LHFPL3: variants seen among roughly 807,000 people sequenced by gnomAD.
LHFPL3 encodes LHFPL tetraspan subfamily member 3.
A neutral mutation model predicts 19.3 loss-of-function variants in LHFPL3; 5 were observed. That is an observed-to-expected ratio of 0.26 (90% CI 0.14 to 0.54). LHFPL3 has a LOEUF of 0.54. LHFPL3 is among the 20% of genes least tolerant of loss of function. LHFPL3 has a pLI of 0.94. For missense variants in LHFPL3, 249 were observed against 307.4 expected (o/e 0.81, Z 1.42); for synonymous variants, 133 against 126.2 (o/e 1.05, Z -0.36).
chr7:104,503,329 TG>T (rs1170046016), intron 1 of LHFPL3, among the ~76,000 whole-genome samples: 1 of 152,156 alleles, frequency 6.6e-6, no homozygotes, highest in Non-Finnish European at 1.5e-5. Flanking sequence ...TGTATGTGTC[TG>T]TAAAAAATGA....
In LHFPL3 at chr7:104,727,639, G is replaced by A. The variant is rs542890815; in HGVS notation, c.446-9036G>A. ...AATATTGCAAATCGGAAGAATTTCAGATGGCTTGCTCTGTGGAGGATATTG... is the reference window on the plus strand; with the variant it reads ...AATATTGCAAATCGGAAGAATTTCAAATGGCTTGCTCTGTGGAGGATATTG... On this transcript the variant is annotated intron_variant, in intron 1 of 2. Transcript: ENST00000424859. 5.3e-5 allele frequency among the ~76,000 whole-genome samples: 8 copies of A among 152,260 alleles called. No individual in the cohort carries two copies. The East Asian group carries it at 1.5e-3, about 29-fold the overall frequency.
chr7:104,747,761 A>G (rs1794077164), intron 2 of LHFPL3, among the ~76,000 whole-genome samples: 1 of 152,190 alleles, frequency 6.6e-6, no homozygotes, highest in African/African-American at 2.4e-5. Context: ...CCTTATCATT[A>G]TTATTATGCA....
At chr7:104,612,414 G>A (rs944751402) in intron 1 of LHFPL3, among the ~76,000 whole-genome samples, 4 of 152,112 alleles carry the variant, frequency 2.6e-5, no homozygotes, top group Non-Finnish European at 4.4e-5. Context: ...GGGATGGATG[G>A]ATGGACATCC....
At chr7:104,723,636 C>A (rs947879664) in intron 1 of LHFPL3, among the ~76,000 whole-genome samples, 1 of 142,398 alleles carries the variant, frequency 7.0e-6, no homozygotes. Context: ...ACAGGAGAAT[C>A]GCTTGAACCC....
At chr7:104,471,474 T>C (rs1584343301) in intron 1 of LHFPL3, among the ~76,000 whole-genome samples, 1 of 152,208 alleles carries the variant, frequency 6.6e-6, no homozygotes, top group East Asian at 1.9e-4. Context: ...GTAGATATTA[T>C]TACTCTCATG....
intron 2 of LHFPL3, among the ~76,000 whole-genome samples, chr7:104,760,854 C>T (rs76854052): frequency 6.0e-4 from 91 of 152,092 alleles, no homozygotes; most frequent in African/African-American, 2.1e-3. Flanking sequence ...AAGGTAGGGG[C>T]CTTTCCATTC....
intron 2 of LHFPL3, among the ~76,000 whole-genome samples, chr7:104,817,440 T>C (rs1305848771): frequency 1.3e-5 from 2 of 152,220 alleles, no homozygotes; most frequent in East Asian, 1.9e-4. Flanking sequence ...AGTTTTCTCA[T>C]GTAAACACCA....
At chr7:104,402,373 G>GC (rs1234297456) in intron 1 of LHFPL3, among the ~76,000 whole-genome samples, 4 of 152,204 alleles carry the variant, frequency 2.6e-5, no homozygotes, top group African/African-American at 9.6e-5. Flanking sequence ...TGGCTTATTA[G>GC]CCAAGGGCTT....
chr7:104,488,825 T>C (rs548578331), intron 1 of LHFPL3, among the ~76,000 whole-genome samples: 25 of 152,276 alleles, frequency 1.6e-4, no homozygotes, highest in African/African-American at 6.0e-4. Flanking sequence ...GCAAAGTCTG[T>C]TGGCACTAAG....
chr7:104,553,482 G>T (rs1343024847), intron 1 of LHFPL3, among the ~76,000 whole-genome samples: 1 of 152,136 alleles, frequency 6.6e-6, no homozygotes, highest in Non-Finnish European at 1.5e-5. Flanking sequence ...TGCCACCTTT[G>T]TAATCTCTAA....
chr7:104,633,831 C>G (rs925637762), intron 1 of LHFPL3, among the ~76,000 whole-genome samples: 5 of 152,182 alleles, frequency 3.3e-5, no homozygotes, highest in African/African-American at 9.7e-5. Context: ...GTTGCCAACA[C>G]TAAGTTATAA....
chr7:104,476,861 T>C (rs1283744350), intron 1 of LHFPL3, among the ~76,000 whole-genome samples: 1 of 152,164 alleles, frequency 6.6e-6, no homozygotes, highest in Non-Finnish European at 1.5e-5. Flanking sequence ...ACAAGCATAC[T>C]CCATAGAAGC....
At position 104,609,278 on chromosome 7, in the gene LHFPL3, G is replaced by GA. The variant is rs889856502; in HGVS notation, c.446-127388dup. 2.7e-4 allele frequency among the ~76,000 whole-genome samples: 40 copies of GA among 150,396 alleles called. 1 individual carries two copies. The East Asian group carries it at 7.0e-3, about 26-fold the overall frequency. On this transcript the variant is annotated intron_variant, in intron 1 of 2. Transcript: ENST00000424859. The stretch of plus-strand genomic sequence containing the variant: ...AGATGCTGTCAAAAAAAAAAGAAAA[G>GA]AAAAAAAAAGTTAGCCACAGTTAGT...
At chr7:104,385,053 T>C (rs1160880622) in intron 1 of LHFPL3, among the ~76,000 whole-genome samples, 2 of 151,944 alleles carry the variant, frequency 1.3e-5, no homozygotes, top group Non-Finnish European at 2.9e-5. Context: ...TAACCTTTAC[T>C]CTCCCACCTG....
intron 1 of LHFPL3, among the ~76,000 whole-genome samples, chr7:104,676,905 A>G (rs1333597585): frequency 6.6e-6 from 1 of 152,222 alleles, no homozygotes; most frequent in Non-Finnish European, 1.5e-5. Flanking sequence ...AATCAAAGGA[A>G]ACAGTCATTG....
chr7:104,577,899 T>C (rs1790370998), intron 1 of LHFPL3, among the ~76,000 whole-genome samples: 1 of 152,226 alleles, frequency 6.6e-6, no homozygotes, highest in Admixed American at 6.5e-5. Context: ...ATACAGACTT[T>C]CTTTTCCCCC....
intron 1 of LHFPL3, among the ~76,000 whole-genome samples, chr7:104,369,892 T>G (rs1357266820): frequency 2.0e-5 from 3 of 152,248 alleles, no homozygotes; most frequent in Non-Finnish European, 4.4e-5. Context: ...GTTTTTAAAA[T>G]ATTCTAAATA....
At chr7:104,515,040 A>G (rs1225065391) in intron 1 of LHFPL3, among the ~76,000 whole-genome samples, 1 of 152,058 alleles carries the variant, frequency 6.6e-6, no homozygotes, top group Admixed American at 6.6e-5. Context: ...TACTTCTTTC[A>G]CTTTTAACAG....
intron 2 of LHFPL3, among the ~76,000 whole-genome samples, chr7:104,867,817 A>C (rs1301552011): frequency 9.2e-5 from 14 of 152,162 alleles, no homozygotes; most frequent in Admixed American, 1.3e-4. Context: ...AACATCGATG[A>C]AAAAATCCTC....
Sources: allele counts gnomAD v4.1 joint callset (sites outside exome capture counted in the v4.1 genomes callset), GRCh38; gene constraint gnomAD v4.1.1; transcripts MANE v1.5; gene names NCBI Gene and HGNC (gene_info 2026-07-23, HGNC 2026-07-21).